KDM4B: variants seen among roughly 807,000 people sequenced by gnomAD.
KDM4B encodes the protein lysine demethylase 4B.
KDM4B carries 32 observed loss-of-function variants against 125.2 expected under a neutral mutation model. The ratio of observed to expected loss-of-function variants is 0.26; its 90% CI spans 0.19 to 0.34. The LOEUF (loss-of-function observed/expected upper bound fraction) is 0.34, where lower values mean the gene tolerates loss of function less well. KDM4B is among the 10% of genes least tolerant of loss of function. The pLI is 1.00. For missense variants in KDM4B, 1,190 were observed against 1,577.7 expected (o/e 0.75, Z 4.16); for synonymous variants, 721 against 677.9 (o/e 1.06, Z -0.99).
In KDM4B at chr19:5,068,092, C is replaced by CT. The variant is rs60727736; in HGVS notation, c.627-2903dup. Among the ~76,000 whole-genome samples, 707 of 141,654 alleles carry CT rather than the reference C, an allele frequency of 5.0e-3. 6 individuals are homozygous for CT. The highest frequency in any genetic ancestry group is 0.013 in the African/African-American group (487 of 38,938). 92.9% of individuals were successfully genotyped at this position (141,654 alleles called of 152,430 possible). The stretch of plus-strand genomic sequence containing the variant: ...TTCCAAACCAAATAGCTGCTTTTGC[C>CT]TTTTTTTTTTTTTTTCCCTCCAGAG... On this transcript the variant is annotated intron_variant, in intron 6 of 22. Coordinates refer to ENST00000159111, the MANE Select transcript of KDM4B (RefSeq NM_015015.3).
intron 6 of KDM4B, among the ~76,000 whole-genome samples, chr19:5,063,977 G>A (rs989897527): frequency 6.6e-6 from 1 of 152,204 alleles, no homozygotes; most frequent in Non-Finnish European, 1.5e-5. Context: ...GCAGCTCTCT[G>A]TTGGGTCTCG....
intron 6 of KDM4B, among the ~76,000 whole-genome samples, chr19:5,049,893 C>T (rs1280608966): frequency 6.6e-6 from 1 of 152,062 alleles, no homozygotes; most frequent in Admixed American, 6.5e-5. Flanking sequence ...TCCAGGCTGC[C>T]CTCCCAACTT....
At chr19:5,022,206 G>A (rs2036144017) in intron 2 of KDM4B, among the ~76,000 whole-genome samples, 1 of 152,224 alleles carries the variant, frequency 6.6e-6, no homozygotes. Context: ...CCTGTGGCCA[G>A]GTGCTGATAG....
At chr19:5,000,366 C>T (rs2145426514) in intron 1 of KDM4B, among the ~76,000 whole-genome samples, 1 of 151,618 alleles carries the variant, frequency 6.6e-6, no homozygotes, top group Admixed American at 6.6e-5. Context: ...TCCAACCGTC[C>T]ATCTGTTCAT....
At chr19:4,976,577 CT>C (rs1437409987) in intron 1 of KDM4B, among the ~76,000 whole-genome samples, 2 of 152,220 alleles carry the variant, frequency 1.3e-5, no homozygotes, top group African/African-American at 4.8e-5. Flanking sequence ...TTTCACAAGG[CT>C]TTTGTTTTGT....
At chr19:5,106,269 C>T (rs554464105) in intron 9 of KDM4B, among the ~76,000 whole-genome samples, 42 of 152,232 alleles carry the variant, frequency 2.8e-4, no homozygotes, top group Middle Eastern at 6.8e-3. Context: ...TGTGTGTGCG[C>T]GCGCGTGCAA....
At chr19:5,036,223 G>A (rs2036622303) in intron 3 of KDM4B, among the ~76,000 whole-genome samples, 1 of 152,218 alleles carries the variant, frequency 6.6e-6, no homozygotes, top group Admixed American at 6.5e-5. Context: ...GTGCATGTAT[G>A]TGTGTGGTGG....
At chr19:4,991,257 CT>C (rs761618412) in intron 1 of KDM4B, among the ~76,000 whole-genome samples, 5 of 152,278 alleles carry the variant, frequency 3.3e-5, no homozygotes, top group South Asian at 2.1e-4. Flanking sequence ...GCAACCCCCC[CT>C]GCCCTACCCC....
chr19:5,137,210 C>A, intron 15 of KDM4B, 52 bp from the exon 16 acceptor site: 1 of 1,427,100 alleles, frequency 7.0e-7, no homozygotes, highest in South Asian at 1.2e-5. Flanking sequence ...TCACTCGGCT[C>A]CCCAAGTCTC....
chr19:5,130,325 C>T (rs956834973), intron 11 of KDM4B, among the ~76,000 whole-genome samples: 3 of 152,192 alleles, frequency 2.0e-5, no homozygotes, highest in African/African-American at 7.2e-5. Context: ...ATTCAGCCAG[C>T]CAGGCTGCTC....
At position 4,982,292 on chromosome 19, in the gene KDM4B, C is replaced by CA. The variant is rs761810869; in HGVS notation, c.-109+13075dup. Among the ~76,000 whole-genome samples, 663 of 96,190 alleles carry CA rather than the reference C, an allele frequency of 6.9e-3. 5 individuals are homozygous for CA. The highest frequency in any genetic ancestry group is 0.018 in the East Asian group (58 of 3,314). 63.1% of individuals were successfully genotyped at this position (96,190 alleles called of 152,430 possible). On this transcript the variant is annotated intron_variant, in intron 1 of 22. Transcript: ENST00000159111. Reference sequence around the variant, plus strand: ...GGGCAGCACAGTGAGATTCTGTCTCCAAAAAAAAAAAAAGCCAGACGCAGT... The same window carrying CA: ...GGGCAGCACAGTGAGATTCTGTCTCCAAAAAAAAAAAAAAGCCAGACGCAGT...
intron 10 of KDM4B, chr19:5,111,420 C>T (rs1015242744): frequency 5.2e-6 from 4 of 765,202 alleles, no homozygotes; most frequent in Non-Finnish European, 7.2e-6. Flanking sequence ...AGCCAGGTAT[C>T]TGGTGTCCGC....
At position 5,135,527 on chromosome 19, in the gene KDM4B, C is replaced by G. The variant is rs764335907; in HGVS notation, c.2274C>G (p.Ile758Met). The G allele has an allele frequency of 2.5e-6, 4 of 1,607,718 alleles. No individual in the cohort carries two copies. The highest frequency in any genetic ancestry group is 3.4e-6 in the Non-Finnish European group (4 of 1,178,140). The change falls in exon 15 of 23, where the codon ATC (isoleucine) becomes ATG (methionine). Residue 758 changes from isoleucine to methionine, a missense_variant. By Grantham distance (10) the Ile-to-Met change is conservative. Transcript: ENST00000159111. Reference protein sequence around the residue: ...YIGDDGTSPLIACGKCCLQVH... With the variant: ...YIGDDGTSPLMACGKCCLQVH... ...GCGACGACGGGACCAGCCCCCTGATCGCCTGCGGCAAGTGCTGCCTGCAGG... is the reference window on the plus strand; with the variant it reads ...GCGACGACGGGACCAGCCCCCTGATGGCCTGCGGCAAGTGCTGCCTGCAGG...
At chr19:5,118,265 A>T (rs922767975) in intron 10 of KDM4B, among the ~76,000 whole-genome samples, 1 of 152,216 alleles carries the variant, frequency 6.6e-6, no homozygotes, top group East Asian at 1.9e-4. Flanking sequence ...CCATGGGGAC[A>T]GGGGACACGG....
chr19:5,137,244 GC>G lies in KDM4B; in HGVS notation c.2309-13del. On this transcript the variant is annotated splice_polypyrimidine_tract_variant and intron_variant, in intron 15 of 22. Transcript: ENST00000159111. ...TCACCTGCCCCCCAGATCTCAGCCA[GC>G]CCCCGCTGTCTTCCAGGTTGCTATG... 6.4e-7 allele frequency: 1 copy of G among 1,557,108 alleles called. No individual in the cohort carries two copies.
In KDM4B at chr19:5,090,404, CTCT is replaced by C. The variant is rs1314525265; in HGVS notation, c.918+7901_918+7903del. On this transcript the variant is annotated intron_variant, in intron 9 of 22. Coordinates refer to ENST00000159111, the MANE Select transcript of KDM4B (RefSeq NM_015015.3). Reference sequence around the variant, plus strand: ...CCCATATCTCTCCCCCTCTCTCTCTCTCTCCCCCTCTCCCCCTCTGTCTCTCTC... The same window carrying C: ...CCCATATCTCTCCCCCTCTCTCTCTCCCCCCTCTCCCCCTCTGTCTCTCTC... Among the ~76,000 whole-genome samples, 30 of 44,582 alleles carry C rather than the reference CTCT, an allele frequency of 6.7e-4. 1 individual carries two copies. The South Asian group carries it at 6.7e-3, about 10-fold the overall frequency. 29.2% of individuals were successfully genotyped at this position (44,582 alleles called of 152,430 possible).
intron 18 of KDM4B, among the ~76,000 whole-genome samples, chr19:5,138,980 T>TC (rs2039696817): frequency 1.3e-5 from 2 of 152,162 alleles, no homozygotes; most frequent in Non-Finnish European, 2.9e-5. Context: ...TGGAGTGCAG[T>TC]GGTGTGATCA....
intron 21 of KDM4B, among the ~76,000 whole-genome samples, chr19:5,147,952 G>A (rs949687239): frequency 2.0e-5 from 3 of 152,096 alleles, no homozygotes; most frequent in Non-Finnish European, 2.9e-5. Flanking sequence ...TGCCTGCCCC[G>A]AGGCCAAGGG....
chr19:5,072,179 C>T (rs1319780666), intron 7 of KDM4B, among the ~76,000 whole-genome samples: 1 of 152,224 alleles, frequency 6.6e-6, no homozygotes, highest in African/African-American at 2.4e-5. Flanking sequence ...CCGCCACATG[C>T]TCTCTTCCCC....
Sources: allele counts gnomAD v4.1 joint callset (sites outside exome capture counted in the v4.1 genomes callset), GRCh38; gene constraint gnomAD v4.1.1; transcripts MANE v1.5; gene names NCBI Gene and HGNC (gene_info 2026-07-23, HGNC 2026-07-21).